The following CADM2 variants were observed in gnomAD, a reference collection of about 807,000 sequenced individuals.
CADM2 encodes immunoglobulin superfamily member 4D.
Under a neutral mutation model 49.8 loss-of-function variants are expected in CADM2, and 12 were observed. That is an observed-to-expected ratio of 0.24 (90% CI 0.15 to 0.39). CADM2 has a LOEUF of 0.39. Ranked by LOEUF, CADM2 falls within the 10% of genes least tolerant of loss-of-function variation. The probability of loss-of-function intolerance (pLI) is 1.00; values close to 1 mark genes in which losing one functional copy is unlikely to be tolerated. For synonymous variants in CADM2, 214 were observed against 175.4 expected, an observed-to-expected ratio of 1.22 and a Z score of -1.74; for missense variants, 378 against 492.3, an observed-to-expected ratio of 0.77 and a Z score of 2.20.
intron 1 of CADM2, among the ~76,000 whole-genome samples, chr3:85,359,666 A>ATATTTTTTTTT: frequency 1.1e-4 from 3 of 26,554 alleles, no homozygotes; most frequent in Non-Finnish European, 1.6e-4. Flanking sequence ...ATATATATAT[A>ATATTTTTTTTT]TTTTTTTTTT....
chr3:85,910,455 T>C (rs900823006), intron 5 of CADM2, among the ~76,000 whole-genome samples: 4 of 152,136 alleles, frequency 2.6e-5, no homozygotes, highest in Non-Finnish European at 4.4e-5. Context: ...ATCTGAATTA[T>C]TGTGACATAT....
chr3:85,936,869 A>G (rs1379823180), intron 7 of CADM2, among the ~76,000 whole-genome samples: 3 of 151,778 alleles, frequency 2.0e-5, no homozygotes, highest in African/African-American at 7.2e-5. Flanking sequence ...TGATATTTTT[A>G]AACTGTTCTC....
At chr3:85,683,094 A>G (rs1215017949) in intron 1 of CADM2, among the ~76,000 whole-genome samples, 1 of 152,124 alleles carries the variant, frequency 6.6e-6, no homozygotes. Context: ...AATAAAATGA[A>G]AAAAATAAAA....
intron 1 of CADM2, among the ~76,000 whole-genome samples, chr3:85,219,621 A>C (rs2107788998): frequency 6.6e-6 from 1 of 152,322 alleles, no homozygotes; most frequent in South Asian, 2.1e-4. Context: ...GTGAAAGAAA[A>C]TTGTAGTCAT....
chr3:85,504,653 G>A (rs1417466132), intron 1 of CADM2, among the ~76,000 whole-genome samples: 3 of 152,210 alleles, frequency 2.0e-5, no homozygotes, highest in African/African-American at 4.8e-5. Flanking sequence ...GGAGCTGCCT[G>A]CCAGTCCCGC....
At chr3:85,057,716 A>C (rs2107430995) in intron 1 of CADM2, among the ~76,000 whole-genome samples, 1 of 152,308 alleles carries the variant, frequency 6.6e-6, no homozygotes, top group African/African-American at 2.4e-5. Context: ...TCAAAAACAA[A>C]CTAGAATAAA....
chr3:85,939,552 G>A (rs887094776), intron 7 of CADM2, among the ~76,000 whole-genome samples: 7 of 150,598 alleles, frequency 4.6e-5, no homozygotes, highest in African/African-American at 1.7e-4. Context: ...AATGGTGTGA[G>A]GTTGCCCCCA....
At chr3:85,312,776 G>C (rs758455590) in intron 1 of CADM2, among the ~76,000 whole-genome samples, 7 of 152,062 alleles carry the variant, frequency 4.6e-5, no homozygotes, top group Non-Finnish European at 1.0e-4. Context: ...TTTCCAAAGA[G>C]ATAAAATGAA....
intron 1 of CADM2, among the ~76,000 whole-genome samples, chr3:85,640,609 G>T (rs2064681025): frequency 6.6e-6 from 1 of 152,112 alleles, no homozygotes; most frequent in Non-Finnish European, 1.5e-5. Context: ...CCAAGACCTG[G>T]TTGGTGGGGA....
chr3:85,448,082 A>G (rs1559845258), intron 1 of CADM2, among the ~76,000 whole-genome samples: 1 of 152,136 alleles, frequency 6.6e-6, no homozygotes, highest in Non-Finnish European at 1.5e-5. Context: ...CTCTAATCCC[A>G]GCACTTTGGA....
At chr3:85,799,773 G>T (rs972647887) in intron 2 of CADM2, among the ~76,000 whole-genome samples, 1 of 152,156 alleles carries the variant, frequency 6.6e-6, no homozygotes. Flanking sequence ...TCCCAGAGTG[G>T]CACCTGCCAG....
chr3:85,689,236 G>A (rs755628352), intron 1 of CADM2, among the ~76,000 whole-genome samples: 12 of 152,104 alleles, frequency 7.9e-5, no homozygotes, highest in Non-Finnish European at 1.3e-4. Context: ...GAACGATCAC[G>A]GGAACCTGTG....
chr3:86,062,310 G>T (rs577717965), intron 8 of CADM2, among the ~76,000 whole-genome samples: 46 of 152,240 alleles, frequency 3.0e-4, no homozygotes, highest in African/African-American at 1.1e-3. Flanking sequence ...AATATGACAG[G>T]TTTATTTTTT....
At chr3:84,963,034 C>T (rs1365364477) in intron 1 of CADM2, among the ~76,000 whole-genome samples, 1 of 152,116 alleles carries the variant, frequency 6.6e-6, no homozygotes, top group East Asian at 1.9e-4. Flanking sequence ...TCCTCATCCT[C>T]ATCGTGTCTT....
intron 1 of CADM2, among the ~76,000 whole-genome samples, chr3:85,214,071 A>T: frequency 6.6e-6 from 1 of 152,114 alleles, no homozygotes; most frequent in East Asian, 1.9e-4. Flanking sequence ...TGTGTTATTT[A>T]GTTTGTTCCA....
At chr3:85,940,394 G>T (rs905805242) in intron 7 of CADM2, among the ~76,000 whole-genome samples, 27 of 151,950 alleles carry the variant, frequency 1.8e-4, no homozygotes, top group Non-Finnish European at 3.7e-4. Context: ...AGCCTAACAT[G>T]TACCTTTTTA....
At chr3:85,606,147 C>T (rs962767930) in intron 1 of CADM2, among the ~76,000 whole-genome samples, 1 of 152,004 alleles carries the variant, frequency 6.6e-6, no homozygotes. Context: ...TTGGAACAAC[C>T]TTTTTTATTA....
chr3:85,824,233 A>G (rs1228375470), intron 3 of CADM2, among the ~76,000 whole-genome samples: 2 of 152,134 alleles, frequency 1.3e-5, no homozygotes, highest in Non-Finnish European at 2.9e-5. Flanking sequence ...GAAACTTAGT[A>G]ATTTGCTTAA....
chr3:85,821,680 A>G (rs1190167433), intron 3 of CADM2, among the ~76,000 whole-genome samples: 1 of 152,108 alleles, frequency 6.6e-6, no homozygotes, highest in Non-Finnish European at 1.5e-5. Flanking sequence ...TGGAGCTGCA[A>G]TGGTGATCAT....
Sources: gnomAD v4.1 joint callset for allele counts (sites outside exome capture counted in the v4.1 genomes callset) on GRCh38, gnomAD v4.1.1 for gene constraint, MANE v1.5 for transcripts, NCBI Gene and HGNC (gene_info 2026-07-23, HGNC 2026-07-21) for gene names.